The following SYNE1 variants were observed in gnomAD, a reference collection of about 807,000 sequenced individuals.
SYNE1 encodes the protein nesprin-1.
In SYNE1, 616 loss-of-function variants were observed where a neutral mutation model predicts 1,111.0. That is an observed-to-expected ratio of 0.55 (90% CI 0.52 to 0.59). The LOEUF (loss-of-function observed/expected upper bound fraction) is 0.59. SYNE1 is among the 20% of genes least tolerant of loss of function. The pLI is 0.00. For missense variants in SYNE1, 10,006 were observed against 10,417.0 expected (o/e 0.96, Z 1.72); for synonymous variants, 3,855 against 3,825.8 (o/e 1.01, Z -0.28).
At chr6:152,519,159 A>T (rs2099127138) in intron 6 of SYNE1, among the ~76,000 whole-genome samples, 1 of 152,158 alleles carries the variant, frequency 6.6e-6, no homozygotes, top group East Asian at 1.9e-4. Flanking sequence ...AAAAGAAAAT[A>T]AATAAATAAA....
chr6:152,443,810 T>C (rs2098553636), intron 30 of SYNE1, among the ~76,000 whole-genome samples: 1 of 152,198 alleles, frequency 6.6e-6, no homozygotes, highest in Admixed American at 6.5e-5. Flanking sequence ...AAGGTATATA[T>C]TCCTTTTATG....
At chr6:152,369,707 G>A (rs2097144429) in intron 59 of SYNE1, 93 bp from the exon 60 acceptor site, 2 of 1,475,872 alleles carry the variant, frequency 1.4e-6, no homozygotes, top group African/African-American at 1.4e-5. Context: ...CCCAGGCTGG[G>A]CACAGTGGCT....
intron 14 of SYNE1, among the ~76,000 whole-genome samples, chr6:152,482,524 T>C (rs2098912316): frequency 6.6e-6 from 1 of 152,196 alleles, no homozygotes; most frequent in South Asian, 2.1e-4. Context: ...CATTTTTAGT[T>C]AGGCCTGTAA....
At chr6:152,263,571 T>TA (rs1162179456) in intron 100 of SYNE1, among the ~76,000 whole-genome samples, 1 of 151,546 alleles carries the variant, frequency 6.6e-6, no homozygotes, top group Non-Finnish European at 1.5e-5. Context: ...TTTTTTTTTT[T>TA]AATTCTTTGT....
At chr6:152,363,415 A>AC (rs2096980083) in intron 63 of SYNE1, among the ~76,000 whole-genome samples, 1 of 150,122 alleles carries the variant, frequency 6.7e-6, no homozygotes, top group African/African-American at 2.4e-5. Flanking sequence ...AATGGCGTGA[A>AC]CCCGGGAGGC....
At chr6:152,238,910 T>C (rs952234440) in intron 108 of SYNE1, among the ~76,000 whole-genome samples, 19 of 151,966 alleles carry the variant, frequency 1.3e-4, no homozygotes, top group Non-Finnish European at 2.4e-4. Flanking sequence ...ATTTTTTTTT[T>C]TTTTTGAGAC....
In SYNE1 at chr6:152,325,265, A is replaced by T. The variant is rs1474047577; in HGVS notation, c.15476T>A (p.Ile5159Asn). 1 of 1,614,120 alleles carries T rather than the reference A, an allele frequency of 6.2e-7. No individual in the cohort carries two copies. The highest frequency in any genetic ancestry group is 8.5e-7 in the Non-Finnish European group (1 of 1,180,028). Residue 5159 changes from isoleucine to asparagine, a missense_variant, in exon 81 of 146, where the codon ATT (isoleucine) becomes AAT (asparagine). Around this residue, in one of 7 missense-constraint regions of SYNE1, gnomAD observed 4,955 missense variants for 5,017.2 expected, o/e 0.99. Transcript: ENST00000367255. ...VSVVNSFHEKIVALEEKASQL... is the reference protein window; with the variant it reads ...VSVVNSFHEKNVALEEKASQL... The stretch of plus-strand genomic sequence containing the variant: ...TGAAGCTTTTTCCTCAAGGGCCACA[A>T]TTTTCTCATGGAAAGAGTTAACCAC...
At position 152,370,794 on chromosome 6, in the gene SYNE1, C is replaced by CT. The variant is rs1306484622; in HGVS notation, c.9508-1181dup. ...ATCTAAGTGGCAAGAGCTAATGAAA[C>CT]TTATGAGAGAATAGTTCAAGGTTCC... is the stretch of plus-strand genomic sequence containing the variant. On this transcript the variant is annotated intron_variant, in intron 59 of 145. Transcript: ENST00000367255. Among the ~76,000 whole-genome samples the CT allele has an allele frequency of 4.6e-5, 7 of 152,310 alleles. No individual in the cohort carries two copies. In the South Asian group the frequency reaches 1.0e-3, roughly 23 times the overall value.
chr6:152,536,433 A>ATT (rs372742862), intron 4 of SYNE1, among the ~76,000 whole-genome samples: 27 of 128,442 alleles, frequency 2.1e-4, no homozygotes, highest in African/African-American at 3.3e-4. Flanking sequence ...TTATATATAT[A>ATT]ACTATATATA....
intron 42 of SYNE1, among the ~76,000 whole-genome samples, chr6:152,410,848 C>T (rs897634184): frequency 5.3e-5 from 8 of 152,100 alleles, no homozygotes; most frequent in Non-Finnish European, 1.0e-4. Flanking sequence ...ATTCTTCATA[C>T]CATTATTTGT....
At chr6:152,400,588 G>T (rs919558933) in intron 47 of SYNE1, among the ~76,000 whole-genome samples, 3 of 152,116 alleles carry the variant, frequency 2.0e-5, no homozygotes, top group African/African-American at 7.2e-5. Context: ...ACTTCAACCT[G>T]GGAGGGGAGG....
At chr6:152,463,170 T>C (rs2098744165) in intron 19 of SYNE1, among the ~76,000 whole-genome samples, 183 bp downstream of exon 19, 1 of 152,218 alleles carries the variant, frequency 6.6e-6, no homozygotes, top group Non-Finnish European at 1.5e-5. Flanking sequence ...TGCATTTGTG[T>C]AATATTCCTC....
At chr6:152,225,608 G>T in intron 116 of SYNE1, 113 bp downstream of exon 116, 1 of 1,264,708 alleles carries the variant, frequency 7.9e-7, no homozygotes, top group Non-Finnish European at 1.1e-6. Context: ...AGTACAAGGA[G>T]ATAATGTATA....
intron 8 of SYNE1, among the ~76,000 whole-genome samples, 194 bp from the exon 9 acceptor site, chr6:152,505,591 T>C (rs899476645): frequency 2.0e-5 from 3 of 152,248 alleles, no homozygotes; most frequent in South Asian, 2.1e-4. Context: ...ATTCTGGTTC[T>C]ATATTTAGAG....
At chr6:152,261,389 G>C (rs1384923658) in intron 101 of SYNE1, among the ~76,000 whole-genome samples, 1 of 152,144 alleles carries the variant, frequency 6.6e-6, no homozygotes, top group Non-Finnish European at 1.5e-5. Context: ...CTTCTGCTTA[G>C]AGTGAAGTAA....
chr6:152,143,810 C>A (rs2058957915), intron 137 of SYNE1, 45 bp from the exon 138 acceptor site: 1 of 1,613,680 alleles, frequency 6.2e-7, no homozygotes, highest in Admixed American at 1.7e-5. Flanking sequence ...AACTATTTGA[C>A]TTATTTAAAG....
chr6:152,542,543 G>C (rs1202660503), intron 3 of SYNE1, among the ~76,000 whole-genome samples: 1 of 151,796 alleles, frequency 6.6e-6, no homozygotes, highest in Non-Finnish European at 1.5e-5. Context: ...TTCTTGTCAA[G>C]ATCTATGAGC....
rs112128801 is a variant in SYNE1 at position 152,344,135 on chromosome 6, C to T, written c.12171G>A (p.Pro4057=). Residue 4057 remains proline, a synonymous_variant, in exon 74 of 146, where the codon CCG becomes CCA. Coordinates refer to ENST00000367255, the MANE Select transcript of SYNE1 (RefSeq NM_182961.4). ...QCQAWLSAVQ[P]DLEPSPQPPL... ...GTGGTTGAGGACTTGGCTCTAAATC[C>T]GGCTGGACTGCAGAAAGCCAGGCCT... 1.5e-5 allele frequency: 25 copies of T among 1,614,068 alleles called. 1 individual carries two copies. Among genetic ancestry groups the T allele is most frequent in the Middle Eastern group, 3.3e-4 (2 of 6,084 alleles).
chr6:152,221,151 A>G, intron 118 of SYNE1, 105 bp from the exon 119 acceptor site: 1 of 1,244,254 alleles, frequency 8.0e-7, no homozygotes, highest in Non-Finnish European at 1.1e-6. Flanking sequence ...ATATAGACAT[A>G]ATCATTTCTA....
Sources: gnomAD v4.1 joint callset for allele counts (sites outside exome capture counted in the v4.1 genomes callset) on GRCh38, gnomAD v4.1.1 for gene constraint, gnomAD v4.1.1 regional missense constraint, MANE v1.5 for transcripts, NCBI Gene and HGNC (gene_info 2026-07-23, HGNC 2026-07-21) for gene names.